The following ZFYVE27 variants were observed in gnomAD, a reference collection of about 807,000 sequenced individuals.
ZFYVE27 encodes zinc finger FYVE-type containing 27, also known as protrudin.
ZFYVE27 carries 36 observed loss-of-function variants against 52.8 expected under a neutral mutation model. The observed-to-expected ratio is 0.68, with a 90% CI of 0.52 to 0.90. The LOEUF (loss-of-function observed/expected upper bound fraction) is 0.90, where lower values mean the gene tolerates loss of function less well. Ranked by LOEUF, ZFYVE27 falls within the 40% of genes least tolerant of loss-of-function variation. The pLI is 0.00. For missense variants in ZFYVE27, 450 were observed against 527.2 expected, an observed-to-expected ratio of 0.85 and a Z score of 1.43; for synonymous variants, 223 against 215.6, an observed-to-expected ratio of 1.03 and a Z score of -0.30.
chr10:97,745,919 C>A (rs1400522666), intron 4 of ZFYVE27, among the ~76,000 whole-genome samples: 16 of 151,848 alleles, frequency 1.1e-4, no homozygotes, highest in Admixed American at 1.1e-3. Context: ...AAACAGATGG[C>A]TGGGCCTCAC....
chr10:97,752,075 G>C (rs537237761), intron 8 of ZFYVE27, among the ~76,000 whole-genome samples: 1 of 152,208 alleles, frequency 6.6e-6, no homozygotes, highest in Non-Finnish European at 1.5e-5. Context: ...GCAGCAGTAG[G>C]TGTAGCTAAG....
intron 2 of ZFYVE27, among the ~76,000 whole-genome samples, chr10:97,742,203 T>C (rs2043887824): frequency 6.6e-6 from 1 of 152,218 alleles, no homozygotes. Context: ...TTTCTGATGT[T>C]TGTCTCTCTC....
In ZFYVE27 at chr10:97,750,423, G is replaced by A; in HGVS notation, c.757G>A (p.Gly253Arg). 2 of 1,614,080 alleles carry A rather than the reference G, an allele frequency of 1.2e-6. No individual in the cohort carries two copies. Among genetic ancestry groups the A allele is most frequent in the Non-Finnish European group, 1.7e-6 (2 of 1,179,978 alleles). The change falls in exon 7 of 13, where the codon GGG becomes AGG. Residue 253 changes from glycine to arginine, a missense_variant. Gly to Arg is a moderately radical substitution (Grantham distance 125). Coordinates refer to ENST00000684270, the MANE Select transcript of ZFYVE27 (RefSeq NM_001385875.1). Reference protein sequence around the residue: ...FESPPPPDVGGKDGLMDSTPA... With the variant: ...FESPPPPDVGRKDGLMDSTPA... The stretch of plus-strand genomic sequence containing the variant: ...GAGTCCTCCACCACCAGATGTTGGG[G>A]GGAAGGATGGTCTGATGGACAGCAC...
chr10:97,753,127 C>T lies in ZFYVE27; in HGVS notation c.987C>T (p.Ser329=), dbSNP rs750371208. ...GFLSKNEVLR[S]KVSRLTERLR... ...TGAGCAAGAATGAGGTGCTGCGCAG[C>T]AAGGTGTCTCGGCTCACGGAGCGGC... Residue 329 remains serine, a synonymous_variant, in exon 10 of 13, where the codon AGC becomes AGT. Transcript: ENST00000684270. 21 of 1,612,074 alleles carry T rather than the reference C, an allele frequency of 1.3e-5. No individual in the cohort carries two copies. The highest frequency in any genetic ancestry group is 8.5e-7 in the Non-Finnish European group (1 of 1,179,486).
intron 4 of ZFYVE27, 66 bp from the exon 5 acceptor site, chr10:97,748,203 A>G: frequency 6.8e-7 from 1 of 1,479,064 alleles, no homozygotes; most frequent in Non-Finnish European, 9.4e-7. Flanking sequence ...CTGTACCTGC[A>G]AGGCCCCAGG....
Position 97,759,275 on chromosome 10 carries a change from C to T in ZFYVE27, c.1211C>T (p.Ser404Leu), listed in dbSNP as rs754991600. 1.4e-5 allele frequency: 22 copies of T among 1,614,176 alleles called. 1 individual carries two copies. The highest frequency in any genetic ancestry group is 3.3e-4 in the Middle Eastern group (2 of 6,062). ...AGGGAGACTGTGTTTGTGTGTGCCT[C>T]GTGTAACCAGACCTTGAGCAAGTGA... Reference protein sequence around the residue: ...AQRETVFVCASCNQTLSK With the variant: ...AQRETVFVCALCNQTLSK Residue 404 changes from serine to leucine, a missense_variant, in exon 13 of 13, where the codon TCG becomes TTG. Ser to Leu is a moderately radical substitution (Grantham distance 145). Coordinates refer to ENST00000684270, the MANE Select transcript of ZFYVE27 (RefSeq NM_001385875.1).
intron 8 of ZFYVE27, 141 bp downstream of exon 8, chr10:97,751,603 G>A (rs2047018595): frequency 3.6e-6 from 3 of 826,426 alleles, no homozygotes; most frequent in Admixed American, 2.1e-5. Context: ...TTGAAAGAGT[G>A]CCACTGAACC....
rs769985761 is a variant in ZFYVE27 at position 97,752,843 on chromosome 10, AC to A, written c.877-12del. On this transcript the variant is annotated splice_polypyrimidine_tract_variant and intron_variant, in intron 8 of 12. Coordinates refer to ENST00000684270, the MANE Select transcript of ZFYVE27 (RefSeq NM_001385875.1). ...TTCTGTTTTCTCTCCTCTTCCCCGC[AC>A]CTTGGGAGGCAGGAGACCCACTTGG... The A allele has an allele frequency of 2.2e-5, 35 of 1,584,110 alleles. No homozygotes were observed. The highest frequency in any genetic ancestry group is 2.7e-5 in the Non-Finnish European group (32 of 1,163,796).
chr10:97,759,536 C>G lies in ZFYVE27; in HGVS notation c.*236C>G, dbSNP rs1478735870. ...TGAGGGAGAAGAGCCCCTGGAGGGC[C>G]TGGCATGTTTGTCCTGCTCTGCCTG... On this transcript the variant is annotated 3_prime_UTR_variant, in exon 13 of 13. Coordinates refer to ENST00000684270, the MANE Select transcript of ZFYVE27 (RefSeq NM_001385875.1). 5 of 606,602 alleles carry G rather than the reference C, an allele frequency of 8.2e-6. No homozygotes were observed. The highest frequency in any genetic ancestry group is 1.5e-5 in the Non-Finnish European group (5 of 334,276). 37.6% of individuals were successfully genotyped at this position (606,602 alleles called of 1,614,324 possible). A position where few individuals can be genotyped will look rare whatever the true frequency, so the allele number is the denominator to read the frequency against.
intron 1 of ZFYVE27, among the ~76,000 whole-genome samples, chr10:97,738,256 G>A (rs921191669): frequency 3.3e-5 from 5 of 152,152 alleles, no homozygotes; most frequent in Admixed American, 1.3e-4. Flanking sequence ...GGGCTGCCTC[G>A]CTGCAGCGAT....
chr10:97,738,835 C>A, intron 2 of ZFYVE27, 161 bp downstream of exon 2: 1 of 753,634 alleles, frequency 1.3e-6, no homozygotes, highest in South Asian at 1.5e-5. Context: ...TCTAGGCCTA[C>A]CCTGTGTCTC....
rs751730380 is a variant in ZFYVE27 at position 97,751,472 on chromosome 10, C to T, written c.876+10C>T. Reference sequence around the variant, plus strand: ...TAAAGATGCGATTGAGGTGGGTGGCCCTTCCCCAGCATCCTCTACTCAGCA... The same window carrying T: ...TAAAGATGCGATTGAGGTGGGTGGCTCTTCCCCAGCATCCTCTACTCAGCA... On this transcript the variant is annotated intron_variant, in intron 8 of 12. Transcript: ENST00000684270. 1 of 1,613,478 alleles carries T rather than the reference C, an allele frequency of 6.2e-7. No individual in the cohort carries two copies. Among genetic ancestry groups the T allele is most frequent in the Non-Finnish European group, 8.5e-7 (1 of 1,179,594 alleles).
At chr10:97,737,879 T>C (rs1294097140) in intron 1 of ZFYVE27, among the ~76,000 whole-genome samples, 5 of 151,976 alleles carry the variant, frequency 3.3e-5, no homozygotes, top group Admixed American at 2.0e-4. Flanking sequence ...CGGGCGAGAG[T>C]CCTGGAGCAC....
intron 2 of ZFYVE27, among the ~76,000 whole-genome samples, chr10:97,740,973 T>C (rs1446824923): frequency 9.9e-5 from 15 of 152,180 alleles, no homozygotes; most frequent in Non-Finnish European, 1.9e-4. Context: ...TGAGTGGTGG[T>C]GTTTTTATTT....
At chr10:97,755,168 C>T (rs1337512295) in intron 10 of ZFYVE27, among the ~76,000 whole-genome samples, 7 of 152,354 alleles carry the variant, frequency 4.6e-5, no homozygotes, top group African/African-American at 1.7e-4. Context: ...TTTTCCTAAA[C>T]TCCTCTTAGT....
rs750636794 is a variant in ZFYVE27, at chr10:97,759,351, AC to A, written c.*57del. On this transcript the variant is annotated 3_prime_UTR_variant, in exon 13 of 13. Coordinates refer to ENST00000684270, the MANE Select transcript of ZFYVE27 (RefSeq NM_001385875.1). ...CACCCGTCCTTGGGACCAGCAGTAG[AC>A]CCCCCACTCTCCCCACCCCTGGCCC... 13 of 1,594,792 alleles carry A rather than the reference AC, an allele frequency of 8.2e-6. No individual in the cohort carries two copies. In the South Asian group the frequency reaches 1.1e-4, roughly 14 times the overall value.
At chr10:97,742,973 C>G in intron 2 of ZFYVE27, 121 bp from the exon 3 acceptor site, 2 of 1,111,642 alleles carry the variant, frequency 1.8e-6, no homozygotes, top group Non-Finnish European at 2.8e-6. Context: ...TTTCGTTTCT[C>G]CTTGACCTTC....
At chr10:97,740,869 T>A (rs1179333301) in intron 2 of ZFYVE27, among the ~76,000 whole-genome samples, 1 of 152,214 alleles carries the variant, frequency 6.6e-6, no homozygotes, top group Non-Finnish European at 1.5e-5. Flanking sequence ...GACTCTCTCC[T>A]GGGATCAGCT....
chr10:97,749,407 G>A (rs908026779), intron 5 of ZFYVE27, 67 bp from the exon 6 acceptor site: 3 of 1,191,522 alleles, frequency 2.5e-6, no homozygotes, highest in African/African-American at 1.5e-5. Flanking sequence ...TGCTGTGGGT[G>A]TGCTCCAAAC....
Sources: allele counts gnomAD v4.1 joint callset (sites outside exome capture counted in the v4.1 genomes callset), GRCh38; gene constraint gnomAD v4.1.1; transcripts MANE v1.5; gene names NCBI Gene and HGNC (gene_info 2026-07-23, HGNC 2026-07-21).